Variants in STT3B observed in about 807,000 individuals in gnomAD.
STT3B encodes dolichyl-diphosphooligosaccharide--protein glycosyltransferase subunit STT3B.
Under a neutral mutation model 96.8 loss-of-function variants are expected in STT3B, and 29 were observed. The ratio of observed to expected loss-of-function variants is 0.30; its 90% confidence interval spans 0.22 to 0.41. The LOEUF is 0.41. Ranked by LOEUF, STT3B falls within the 10% of genes least tolerant of loss-of-function variation. The pLI, the probability that STT3B is intolerant of heterozygous loss-of-function variation, is 1.00. For missense variants in STT3B, 640 were observed against 1,022.3 expected (o/e 0.63, Z 5.10); for synonymous variants, 367 against 360.0 (o/e 1.02, Z -0.22).
intron 3 of STT3B, among the ~76,000 whole-genome samples, chr3:31,590,573 T>C (rs1698643684): frequency 6.6e-6 from 1 of 151,990 alleles, no homozygotes. Context: ...TTTCCAAATA[T>C]TTGGGGTTTT....
chr3:31,600,353 C>G lies in STT3B; in HGVS notation c.778-7C>G. The stretch of plus-strand genomic sequence containing the variant: ...ATATATTTAACTTAGCACTTCTTTT[C>G]CTATAGGTCTCTGCTTGGGGTGGTT... On this transcript the variant is annotated splice_polypyrimidine_tract_variant and splice_region_variant and intron_variant, in intron 4 of 15. Coordinates refer to ENST00000295770, the MANE Select transcript of STT3B (RefSeq NM_178862.3). 7.2e-7 allele frequency: 1 copy of G among 1,383,850 alleles called. No homozygotes were observed. Among genetic ancestry groups the G allele is most frequent in the Non-Finnish European group, 1.0e-6 (1 of 989,394 alleles). The allele number at this position is 1,383,850 out of a possible 1,614,324, so 85.7% of individuals were successfully genotyped here.
At position 31,539,579 on chromosome 3, in the gene STT3B, A is replaced by G. The variant is rs1215715799; in HGVS notation, c.314+6267A>G. Among the ~76,000 whole-genome samples the G allele has an allele frequency of 2.6e-5, 4 of 152,224 alleles. No individual in the cohort carries two copies. In the East Asian group the frequency reaches 7.7e-4, roughly 29 times the overall value. Reference sequence around the variant, plus strand: ...TTATGTTTTTTATTCAGGTGCCCCAACTTAAGTCTTAAAATACTGGTCTAT... The same window carrying G: ...TTATGTTTTTTATTCAGGTGCCCCAGCTTAAGTCTTAAAATACTGGTCTAT... On this transcript the variant is annotated intron_variant, in intron 1 of 15. Coordinates refer to ENST00000295770, the MANE Select transcript of STT3B (RefSeq NM_178862.3).
intron 1 of STT3B, among the ~76,000 whole-genome samples, chr3:31,535,336 A>T (rs1322059574): frequency 1.4e-5 from 2 of 143,936 alleles, no homozygotes; most frequent in East Asian, 2.0e-4. Flanking sequence ...TATTTTTATT[A>T]TTTTTTTTTT....
chr3:31,618,676 A>AT (rs1486554757), intron 8 of STT3B, among the ~76,000 whole-genome samples: 1 of 152,052 alleles, frequency 6.6e-6, no homozygotes, highest in Non-Finnish European at 1.5e-5. Flanking sequence ...TTCTGATGTG[A>AT]TACCAGAAGG....
chr3:31,549,839 T>TA, intron 1 of STT3B, among the ~76,000 whole-genome samples: 1 of 152,318 alleles, frequency 6.6e-6, no homozygotes, highest in East Asian at 1.9e-4. Context: ...GTGCGTTATA[T>TA]AAAGAGAAAG....
intron 1 of STT3B, among the ~76,000 whole-genome samples, chr3:31,535,858 T>C (rs1006752683): frequency 2.0e-5 from 3 of 152,262 alleles, no homozygotes; most frequent in Non-Finnish European, 4.4e-5. Context: ...TTAGGTATTC[T>C]GCATATAGTT....
intron 1 of STT3B, among the ~76,000 whole-genome samples, chr3:31,554,163 C>G (rs1029737542): frequency 3.9e-5 from 6 of 152,050 alleles, no homozygotes; most frequent in Admixed American, 2.0e-4. Flanking sequence ...ATTTGTAAAC[C>G]AAAGTTTAAA....
At chr3:31,575,796 A>G (rs1337015120) in intron 1 of STT3B, among the ~76,000 whole-genome samples, 5 of 152,058 alleles carry the variant, frequency 3.3e-5, no homozygotes, top group East Asian at 1.9e-4. Context: ...TCCCCTGCCC[A>G]TGACAGCTGC....
chr3:31,595,889 A>G (rs1698781038), intron 3 of STT3B, among the ~76,000 whole-genome samples: 1 of 152,124 alleles, frequency 6.6e-6, no homozygotes, highest in Non-Finnish European at 1.5e-5. Context: ...GCTTCTGGTA[A>G]TTTTATCCCA....
At chr3:31,588,750 G>A (rs1033344302) in intron 3 of STT3B, among the ~76,000 whole-genome samples, 1 of 151,950 alleles carries the variant, frequency 6.6e-6, no homozygotes, top group Non-Finnish European at 1.5e-5. Context: ...AGCTGTTACA[G>A]CATTATTTGT....
chr3:31,633,235 A>G, intron 15 of STT3B, 88 bp downstream of exon 15: 3 of 1,157,422 alleles, frequency 2.6e-6, no homozygotes, highest in Non-Finnish European at 3.6e-6. Flanking sequence ...ATAAATTTCC[A>G]TCTGCCAGAT....
chr3:31,548,045 A>C (rs1697458508), intron 1 of STT3B, among the ~76,000 whole-genome samples: 1 of 152,170 alleles, frequency 6.6e-6, no homozygotes, highest in Non-Finnish European at 1.5e-5. Flanking sequence ...TTGACCAAGT[A>C]ATGTTTGGTC....
chr3:31,596,740 A>G, intron 3 of STT3B, 58 bp from the exon 4 acceptor site: 3 of 1,391,278 alleles, frequency 2.2e-6, no homozygotes, highest in Non-Finnish European at 3.0e-6. Flanking sequence ...TAACTTTTAA[A>G]AATTCCGCAA....
At chr3:31,557,104 G>A (rs551743791) in intron 1 of STT3B, among the ~76,000 whole-genome samples, 1 of 152,064 alleles carries the variant, frequency 6.6e-6, no homozygotes, top group African/African-American at 2.4e-5. Context: ...TCTACATATC[G>A]ATATCCAATT....
At chr3:31,570,781 A>G (rs1489020119) in intron 1 of STT3B, among the ~76,000 whole-genome samples, 1 of 152,162 alleles carries the variant, frequency 6.6e-6, no homozygotes, top group Non-Finnish European at 1.5e-5. Context: ...GTCAAGGAGC[A>G]GGGATAGGGT....
Position 31,624,946 on chromosome 3 carries a change from C to G in STT3B, c.1760C>G (p.Ala587Gly). The part of the protein sequence containing the change: ...TRNILDDFRE[A>G]YFWLRQNTDE... ...AATATCTTAGATGATTTTAGAGAAGCTTACTTTTGGCTAAGGCAAAATACA... is the reference window on the plus strand; with the variant it reads ...AATATCTTAGATGATTTTAGAGAAGGTTACTTTTGGCTAAGGCAAAATACA... The change falls in exon 12 of 16, where the codon GCT becomes GGT. Residue 587 changes from alanine to glycine, a missense_variant. Transcript: ENST00000295770. 6.2e-7 allele frequency: 1 copy of G among 1,612,448 alleles called. No homozygotes were observed. Among genetic ancestry groups the G allele is most frequent in the Non-Finnish European group, 8.5e-7 (1 of 1,179,220 alleles).
At chr3:31,567,144 CT>C (rs1284851194) in intron 1 of STT3B, among the ~76,000 whole-genome samples, 8 of 152,146 alleles carry the variant, frequency 5.3e-5, no homozygotes, top group Admixed American at 5.2e-4. Flanking sequence ...TAGATAGAAA[CT>C]TTAGTTAACC....
At chr3:31,569,776 A>G (rs1302460865) in intron 1 of STT3B, among the ~76,000 whole-genome samples, 1 of 152,072 alleles carries the variant, frequency 6.6e-6, no homozygotes. Context: ...CAGTTCACCT[A>G]GCTTTATTGG....
chr3:31,606,943 G>A (rs1030759838), intron 5 of STT3B, among the ~76,000 whole-genome samples: 2 of 152,166 alleles, frequency 1.3e-5, no homozygotes, highest in Admixed American at 6.5e-5. Context: ...CCCACCTCTT[G>A]TATCAGCGTG....
Sources: allele counts gnomAD v4.1 joint callset (sites outside exome capture counted in the v4.1 genomes callset), GRCh38; gene constraint gnomAD v4.1.1; transcripts MANE v1.5; gene names NCBI Gene and HGNC (gene_info 2026-07-23, HGNC 2026-07-21).